PDE8A: variants seen among roughly 807,000 people sequenced by gnomAD.
PDE8A encodes high affinity cAMP-specific and IBMX-insensitive 3',5'-cyclic phosphodiesterase 8A.
A neutral mutation model predicts 105.0 loss-of-function variants in PDE8A; 59 were observed. The ratio of observed to expected loss-of-function variants is 0.56; its 90% CI spans 0.46 to 0.70. The LOEUF (loss-of-function observed/expected upper bound fraction) is 0.70, where lower values mean the gene tolerates loss of function less well. PDE8A is among the 30% of genes least tolerant of loss of function. The pLI is 0.00. For synonymous variants in PDE8A, 355 were observed against 371.9 expected, an observed-to-expected ratio of 0.95 and a Z score of 0.52; for missense variants, 1,014 against 1,045.9, an observed-to-expected ratio of 0.97 and a Z score of 0.42.
intron 1 of PDE8A, among the ~76,000 whole-genome samples, chr15:84,995,603 G>A (rs148495971): frequency 1.3e-5 from 2 of 152,176 alleles, no homozygotes; most frequent in African/African-American, 2.4e-5. Flanking sequence ...TTACAGGTGT[G>A]AGCTACCACG....
chr15:85,058,668 G>C (rs187712474), intron 1 of PDE8A, among the ~76,000 whole-genome samples: 1 of 152,126 alleles, frequency 6.6e-6, no homozygotes, highest in African/African-American at 2.4e-5. Flanking sequence ...ATTTTATCCA[G>C]ATTATCCAAT....
intron 11 of PDE8A, among the ~76,000 whole-genome samples, chr15:85,104,654 G>T (rs975482694): frequency 6.6e-6 from 1 of 152,124 alleles, no homozygotes; most frequent in African/African-American, 2.4e-5. Context: ...CTTGGCCACT[G>T]GATAACATTA....
chr15:85,087,834 T>C (rs962366719), intron 6 of PDE8A, among the ~76,000 whole-genome samples: 3 of 152,214 alleles, frequency 2.0e-5, no homozygotes, highest in African/African-American at 7.2e-5. Flanking sequence ...ATATTACATA[T>C]GCATTTGTAC....
chr15:85,005,321 G>T (rs1355340309), intron 1 of PDE8A, among the ~76,000 whole-genome samples: 1 of 152,022 alleles, frequency 6.6e-6, no homozygotes, highest in Non-Finnish European at 1.5e-5. Context: ...TCACTATATT[G>T]CCCAGGCTGG....
intron 1 of PDE8A, among the ~76,000 whole-genome samples, chr15:85,060,745 C>T (rs1444772781): frequency 2.0e-5 from 3 of 152,102 alleles, no homozygotes; most frequent in African/African-American, 7.2e-5. Context: ...ATAATACTTC[C>T]TTTTAGACCA....
At chr15:85,005,736 G>A (rs1282217604) in intron 1 of PDE8A, among the ~76,000 whole-genome samples, 1 of 152,090 alleles carries the variant, frequency 6.6e-6, no homozygotes, top group Admixed American at 6.6e-5. Flanking sequence ...AGAATATGGA[G>A]GACAGGAGAG....
At chr15:85,097,801 T>C in intron 8 of PDE8A, 147 bp from the exon 9 acceptor site, 1 of 609,746 alleles carries the variant, frequency 1.6e-6, no homozygotes, top group African/African-American at 1.9e-5. Flanking sequence ...GAAAGAATTG[T>C]CCTATTACCT....
chr15:85,084,992 T>G (rs2081528035), intron 6 of PDE8A, among the ~76,000 whole-genome samples: 1 of 152,236 alleles, frequency 6.6e-6, no homozygotes, highest in Non-Finnish European at 1.5e-5. Flanking sequence ...TTACCTGGAT[T>G]ATTGAAACCA....
At chr15:85,097,509 C>T (rs1269637902) in intron 8 of PDE8A, among the ~76,000 whole-genome samples, 1 of 152,162 alleles carries the variant, frequency 6.6e-6, no homozygotes, top group African/African-American at 2.4e-5. Flanking sequence ...GGGCCTCAAG[C>T]CATTTAGTTC....
At chr15:85,062,196 G>C (rs56046484) in intron 1 of PDE8A, among the ~76,000 whole-genome samples, 13 of 152,038 alleles carry the variant, frequency 8.6e-5, no homozygotes, top group African/African-American at 2.7e-4. Context: ...ACATTTGAAT[G>C]TAATAATGTG....
intron 1 of PDE8A, among the ~76,000 whole-genome samples, chr15:85,052,503 A>G (rs2080992282): frequency 6.6e-6 from 1 of 152,102 alleles, no homozygotes; most frequent in African/African-American, 2.4e-5. Flanking sequence ...TGACTTTTTA[A>G]TGATCGCCAT....
intron 3 of PDE8A, among the ~76,000 whole-genome samples, chr15:85,075,501 C>G (rs2081368092): frequency 6.6e-6 from 1 of 152,204 alleles, no homozygotes; most frequent in South Asian, 2.1e-4. Context: ...CATAAACTTG[C>G]ATTTTCCTTT....
chr15:85,040,711 C>T (rs1400544393), intron 1 of PDE8A, among the ~76,000 whole-genome samples: 1 of 151,966 alleles, frequency 6.6e-6, no homozygotes, highest in Non-Finnish European at 1.5e-5. Context: ...CAGGCGCCCA[C>T]CATCATACCC....
chr15:85,022,325 G>A (rs2080439733), intron 1 of PDE8A, among the ~76,000 whole-genome samples: 1 of 151,784 alleles, frequency 6.6e-6, no homozygotes, highest in Admixed American at 6.6e-5. Context: ...GATGGGTCGA[G>A]TTCTCACCCA....
At chr15:84,981,240 T>G (rs1016308409), upstream of PDE8A, among the ~76,000 whole-genome samples, 3 of 152,134 alleles carry the variant, frequency 2.0e-5, no homozygotes, top group African/African-American at 7.2e-5. Context: ...GCCCCGCCTG[T>G]CGTCGCCGCG....
chr15:84,982,983 C>G (rs74024775), intron 1 of PDE8A, among the ~76,000 whole-genome samples: 246 of 152,288 alleles, frequency 1.6e-3, no homozygotes, highest in Middle Eastern at 6.8e-3. Context: ...TTGAAGCATT[C>G]AGCAGAACAA....
At chr15:85,081,194 G>C (rs1240934389) in intron 5 of PDE8A, among the ~76,000 whole-genome samples, 1 of 152,200 alleles carries the variant, frequency 6.6e-6, no homozygotes, top group African/African-American at 2.4e-5. Context: ...AGGGGATGGG[G>C]CATAGGAAAG....
chr15:85,094,053 G>T (rs1434819076), intron 8 of PDE8A, among the ~76,000 whole-genome samples: 1 of 152,038 alleles, frequency 6.6e-6, no homozygotes, highest in African/African-American at 2.4e-5. Context: ...TTTAGAAATG[G>T]GGTCTCACTG....
At chr15:85,010,777 A>G (rs1167636717) in intron 1 of PDE8A, among the ~76,000 whole-genome samples, 1 of 152,154 alleles carries the variant, frequency 6.6e-6, no homozygotes, top group East Asian at 1.9e-4. Flanking sequence ...CATTTTTGAG[A>G]TAATAGTGAC....
Sources: allele counts gnomAD v4.1 joint callset (sites outside exome capture counted in the v4.1 genomes callset), GRCh38; gene constraint gnomAD v4.1.1; transcripts MANE v1.5; gene names NCBI Gene and HGNC (gene_info 2026-07-23, HGNC 2026-07-21).